MAP3K3: variants seen among roughly 807,000 people sequenced by gnomAD.
MAP3K3 encodes mitogen-activated protein kinase kinase kinase 3.
A neutral mutation model predicts 80.9 loss-of-function variants in MAP3K3; 12 were observed. That is an observed-to-expected ratio of 0.15 (90% confidence interval 0.10 to 0.24). The LOEUF is 0.24. Among genes scored for constraint, MAP3K3 ranks in the 10% least tolerant of loss-of-function variants. The pLI, the probability that MAP3K3 is intolerant of heterozygous loss-of-function variation, is 1.00. For missense variants in MAP3K3, 596 were observed against 834.7 expected (o/e 0.71, Z 3.52); for synonymous variants, 272 against 307.1 (o/e 0.89, Z 1.19).
rs1359015251 is a variant in MAP3K3 at position 63,694,459 on chromosome 17, A to AG, written c.*688dup. ...CCGCGATGTGGAACTGCTGCCACTG[A>AG]GGGGGGATCCAGTTTTGTCAATGCA... On this transcript the variant is annotated 3_prime_UTR_variant, in exon 16 of 16. Transcript: ENST00000361733. 6.5e-6 allele frequency: 1 copy of AG among 152,692 alleles called. No individual in the cohort carries two copies. The highest frequency in any genetic ancestry group is 1.5e-5 in the Non-Finnish European group (1 of 68,100). 9.5% of individuals were successfully genotyped at this position (152,692 alleles called of 1,614,324 possible). A position where few individuals can be genotyped will look rare whatever the true frequency, so the allele number is the denominator to read the frequency against.
chr17:63,681,971 G>C, intron 7 of MAP3K3, 72 bp downstream of exon 7: 2 of 1,275,744 alleles, frequency 1.6e-6, no homozygotes, highest in East Asian at 5.6e-5. Context: ...GGGGTTCTTA[G>C]TAGTCACAGT....
chr17:63,657,760 A>G (rs1355209684), intron 4 of MAP3K3, 34 bp from the exon 5 acceptor site: 1 of 916,196 alleles, frequency 1.1e-6, no homozygotes, highest in Admixed American at 2.1e-5. Context: ...CTTCTGTTTT[A>G]TATTATTTTC....
intron 3 of MAP3K3, among the ~76,000 whole-genome samples, chr17:63,647,623 G>C (rs1057466109): frequency 1.3e-5 from 2 of 152,148 alleles, no homozygotes; most frequent in East Asian, 1.9e-4. Context: ...TGCTTATCAA[G>C]GTTTTGAAAA....
intron 1 of MAP3K3, 129 bp downstream of exon 1, chr17:63,622,892 C>CGCCGGCCG (rs1335056709): frequency 5.3e-5 from 8 of 152,078 alleles, no homozygotes; most frequent in African/African-American, 1.7e-4. Context: ...GGCTGCGGAC[C>CGCCGGCCG]GCCGGCCGGC....
chr17:63,670,078 G>C lies in MAP3K3; in HGVS notation c.502+3018G>C, dbSNP rs536185222. 5.9e-5 allele frequency among the ~76,000 whole-genome samples: 9 copies of C among 151,818 alleles called. No homozygotes were observed. The East Asian group carries it at 1.8e-3, about 30-fold the overall frequency. On this transcript the variant is annotated intron_variant, in intron 6 of 15. Coordinates refer to ENST00000361733, the MANE Select transcript of MAP3K3 (RefSeq NM_002401.5). The stretch of plus-strand genomic sequence containing the variant: ...TGAATGTGCCATGGTACTCCAGCCT[G>C]GGCAACAGATCAAGACCCTGTCTCA...
chr17:63,651,138 A>G (rs1195170897), intron 3 of MAP3K3, among the ~76,000 whole-genome samples: 2 of 152,182 alleles, frequency 1.3e-5, no homozygotes, highest in African/African-American at 2.4e-5. Context: ...TTATATATCA[A>G]AAATGGTCGG....
rs777707925 is a variant in MAP3K3, at chr17:63,646,124, CAG to C, written c.167+52_167+53del. ...CTGTGTTCATGTATGCCAAAGTTCT[CAG>C]ATAGCATTGAGTTCATGGAAGTCAT... is the stretch of plus-strand genomic sequence containing the variant. On this transcript the variant is annotated intron_variant, in intron 3 of 15. Coordinates refer to ENST00000361733, the MANE Select transcript of MAP3K3 (RefSeq NM_002401.5). The C allele has an allele frequency of 2.6e-6, 4 of 1,541,178 alleles. No homozygotes were observed. The Admixed American group carries it at 6.7e-5, about 26-fold the overall frequency.
chr17:63,633,782 A>G (rs2034264781), intron 2 of MAP3K3, among the ~76,000 whole-genome samples: 1 of 152,180 alleles, frequency 6.6e-6, no homozygotes, highest in Non-Finnish European at 1.5e-5. Context: ...TGTGTCAGCT[A>G]GCTATATTGG....
intron 3 of MAP3K3, among the ~76,000 whole-genome samples, chr17:63,649,853 A>G (rs559409118): frequency 6.6e-6 from 1 of 152,270 alleles, no homozygotes; most frequent in Non-Finnish European, 1.5e-5. Flanking sequence ...ACAGAAGAAC[A>G]TTAAAGAAAT....
chr17:63,658,715 C>T (rs185490724), intron 5 of MAP3K3, among the ~76,000 whole-genome samples: 11 of 150,304 alleles, frequency 7.3e-5, no homozygotes, highest in Middle Eastern at 3.5e-3. Context: ...GAATGCTGCT[C>T]ATGCTGACCA....
chr17:63,670,516 G>A (rs375767884), intron 6 of MAP3K3, among the ~76,000 whole-genome samples: 1 of 149,734 alleles, frequency 6.7e-6, no homozygotes, highest in Admixed American at 6.7e-5. Flanking sequence ...CTGAGAGATC[G>A]AGGCTGCAGT....
intron 1 of MAP3K3, among the ~76,000 whole-genome samples, chr17:63,628,128 A>G (rs1022259073): frequency 1.0e-4 from 15 of 147,598 alleles, no homozygotes; most frequent in Admixed American, 8.8e-4. Context: ...CTGGTCTTGA[A>G]CTCCTGACCT....
chr17:63,651,512 T>C (rs1052150245), intron 3 of MAP3K3, among the ~76,000 whole-genome samples: 1 of 152,124 alleles, frequency 6.6e-6, no homozygotes, highest in Non-Finnish European at 1.5e-5. Context: ...CTTTTTATTA[T>C]GGAAATTTCA....
intron 3 of MAP3K3, among the ~76,000 whole-genome samples, chr17:63,650,552 C>T (rs938829033): frequency 5.3e-5 from 8 of 152,156 alleles, no homozygotes; most frequent in East Asian, 1.9e-4. Flanking sequence ...ATCCACCCAC[C>T]GCAGCCTCCC....
intron 2 of MAP3K3, chr17:63,636,462 C>G (rs1371767592): frequency 2.6e-5 from 4 of 152,560 alleles, no homozygotes; most frequent in African/African-American, 9.7e-5. Flanking sequence ...CTACGTGTGG[C>G]TGGGTCCTAT....
intron 6 of MAP3K3, among the ~76,000 whole-genome samples, chr17:63,667,358 A>C (rs905537761): frequency 2.6e-5 from 4 of 152,188 alleles, no homozygotes; most frequent in African/African-American, 7.2e-5. Context: ...AGCTGTGTTT[A>C]CACTCACTTT....
In MAP3K3 at chr17:63,688,637, G is replaced by T. The variant is rs927711252; in HGVS notation, c.778+43G>T. On this transcript the variant is annotated intron_variant, in intron 9 of 15. Transcript: ENST00000361733. ...TGGGTGGGTAATGCAGGGTGTCTGG[G>T]TGGGGCCTCAGGTGGCTCTGCTTCG... 3 of 1,581,936 alleles carry T rather than the reference G, an allele frequency of 1.9e-6. No individual in the cohort carries two copies. In the African/African-American group the frequency reaches 4.0e-5, roughly 21 times the overall value.
chr17:63,670,916 A>T (rs890914019), intron 6 of MAP3K3, among the ~76,000 whole-genome samples: 1 of 152,182 alleles, frequency 6.6e-6, no homozygotes, highest in Admixed American at 6.5e-5. Context: ...ATTGCATGGA[A>T]AGTAGTGAAA....
intron 6 of MAP3K3, among the ~76,000 whole-genome samples, chr17:63,674,928 G>A (rs1555692074): frequency 6.6e-6 from 1 of 152,200 alleles, no homozygotes; most frequent in Non-Finnish European, 1.5e-5. Flanking sequence ...AGTAAACAGA[G>A]AGCAGTGCTC....
Sources: allele counts gnomAD v4.1 joint callset (sites outside exome capture counted in the v4.1 genomes callset), GRCh38; gene constraint gnomAD v4.1.1; transcripts MANE v1.5; gene names NCBI Gene and HGNC (gene_info 2026-07-23, HGNC 2026-07-21).